ABCA13: variants seen among roughly 807,000 people sequenced by gnomAD.
ABCA13 encodes the protein ATP-binding cassette sub-family A member 13.
ABCA13 carries 476 observed loss-of-function variants against 478.7 expected under a neutral mutation model. That is an observed-to-expected ratio of 0.99 (90% CI 0.92 to 1.07). ABCA13 has a LOEUF of 1.07. ABCA13 is among the 50% of genes least tolerant of loss of function. The pLI is 0.00. For missense variants in ABCA13, 6,060 were observed against 5,910.6 expected, an observed-to-expected ratio of 1.03 and a Z score of -0.83; for synonymous variants, 2,252 against 2,158.9, an observed-to-expected ratio of 1.04 and a Z score of -1.20.
chr7:48,337,878 C>G (rs947788678), intron 28 of ABCA13, among the ~76,000 whole-genome samples: 1 of 152,104 alleles, frequency 6.6e-6, no homozygotes, highest in Non-Finnish European at 1.5e-5. Flanking sequence ...TCAATAATAA[C>G]GAGAGAAGAA....
intron 27 of ABCA13, among the ~76,000 whole-genome samples, chr7:48,331,128 A>G (rs183817185): frequency 1.3e-5 from 2 of 152,286 alleles, no homozygotes; most frequent in South Asian, 2.1e-4. Context: ...GAACAAATAA[A>G]CCCAGAGCTA....
intron 53 of ABCA13, among the ~76,000 whole-genome samples, chr7:48,520,778 A>C (rs1918607): frequency 0.45 from 68,337 of 152,060 alleles, 17,962 homozygotes; most frequent in African/African-American, 0.73. Flanking sequence ...GTTCAATTCC[A>C]ACCTATGAGT....
chr7:48,471,717 C>G (rs1226372500), intron 45 of ABCA13, 118 bp downstream of exon 45: 6 of 918,806 alleles, frequency 6.5e-6, no homozygotes, highest in Non-Finnish European at 9.9e-6. Context: ...TTTTTGGTTT[C>G]CTGGATTAGC....
At chr7:48,637,477 G>C (rs1045349179) in intron 59 of ABCA13, among the ~76,000 whole-genome samples, 3 of 150,062 alleles carry the variant, frequency 2.0e-5, no homozygotes, top group Non-Finnish European at 4.4e-5. Context: ...AAGGTGACTG[G>C]TGTGAGAATA....
intron 41 of ABCA13, among the ~76,000 whole-genome samples, chr7:48,417,971 A>G (rs1367494315): frequency 6.6e-6 from 1 of 152,186 alleles, no homozygotes; most frequent in African/African-American, 2.4e-5. Context: ...TTATCTTAGT[A>G]ACATGGATTT....
intron 55 of ABCA13, among the ~76,000 whole-genome samples, chr7:48,544,211 A>G (rs1035045695): frequency 9.2e-5 from 14 of 151,798 alleles, no homozygotes; most frequent in African/African-American, 2.2e-4. Flanking sequence ...TCCAGGTGCC[A>G]TAAAAGAAGA....
chr7:48,632,058 G>A lies in ABCA13; in HGVS notation c.14838-11230G>A, dbSNP rs868358047. On this transcript the variant is annotated intron_variant, in intron 59 of 61. Coordinates refer to ENST00000435803, the MANE Select transcript of ABCA13 (RefSeq NM_152701.5). ...CTGAATTCATTTATCAAGTCCAGGA[G>A]TCTTCTGGAGGAGTCTTTAGTGTTT... Among the ~76,000 whole-genome samples, 77 of 152,300 alleles carry A rather than the reference G, an allele frequency of 5.1e-4. No individual in the cohort carries two copies. The Middle Eastern group carries it at 0.01, about 20-fold the overall frequency.
intron 18 of ABCA13, among the ~76,000 whole-genome samples, chr7:48,280,147 T>G (rs1171799691): frequency 1.3e-5 from 2 of 152,214 alleles, no homozygotes; most frequent in Non-Finnish European, 2.9e-5. Flanking sequence ...TTCAAAATAT[T>G]TCAAAAGTAA....
In ABCA13 at chr7:48,198,248, C is replaced by T. The variant is rs1419710291; in HGVS notation, c.175C>T (p.Pro59Ser). The change falls in exon 3 of 62, where the codon CCC (proline) becomes TCC (serine). Residue 59 changes from proline to serine, a missense_variant. This residue lies in a region of ABCA13 where 4,423 missense variants were observed against 4,309.1 expected (regional missense o/e 1.03). Coordinates refer to ENST00000435803, the MANE Select transcript of ABCA13 (RefSeq NM_152701.5). ...PRYRDICYLQ[P>S]RDLPSCGVIP... ...GCATCTATTTCTAGGTTATTTGCAG[C>T]CCCGAGATCTACCCAGCTGTGGTGT... 1 of 1,611,652 alleles carries T rather than the reference C, an allele frequency of 6.2e-7. No individual in the cohort carries two copies. The highest frequency in any genetic ancestry group is 2.2e-5 in the East Asian group (1 of 44,840).
chr7:48,602,317 G>A (rs1790980947), intron 58 of ABCA13, among the ~76,000 whole-genome samples: 2 of 152,110 alleles, frequency 1.3e-5, no homozygotes, highest in South Asian at 4.2e-4. Context: ...GTCGTGAATG[G>A]TATTGCCTAG....
chr7:48,303,343 G>A (rs1800426526), intron 23 of ABCA13, among the ~76,000 whole-genome samples: 1 of 151,910 alleles, frequency 6.6e-6, no homozygotes, highest in Non-Finnish European at 1.5e-5. Context: ...AGTTTAATTA[G>A]GTCCCATTTT....
chr7:48,294,333 T>C (rs1799024809), intron 20 of ABCA13, among the ~76,000 whole-genome samples: 1 of 152,096 alleles, frequency 6.6e-6, no homozygotes, highest in Admixed American at 6.5e-5. Flanking sequence ...GTGTTCATTC[T>C]ACATAACTGC....
At chr7:48,300,930 A>G (rs776348500) in intron 23 of ABCA13, among the ~76,000 whole-genome samples, 6 of 152,128 alleles carry the variant, frequency 3.9e-5, no homozygotes, top group Non-Finnish European at 8.8e-5. Context: ...GTTCAAATCA[A>G]CAATGACTTC....
rs372694597 is a variant in ABCA13, at chr7:48,198,334, T to C, written c.261T>C (p.Tyr87=). 3 of 1,613,754 alleles carry C rather than the reference T, an allele frequency of 1.9e-6. No homozygotes were observed. Among genetic ancestry groups the C allele is most frequent in the South Asian group, 1.1e-5 (1 of 91,036 alleles). The change falls in exon 3 of 62, where the codon TAT becomes TAC. Residue 87 remains tyrosine (Y), a synonymous_variant. Transcript: ENST00000435803. Reference sequence around the variant, plus strand: ...GATCAAGGTGTAGGAACTTCAGCTATGAAGGGTCAATGGAGCATCATTTTC... The same window carrying C: ...GATCAAGGTGTAGGAACTTCAGCTACGAAGGGTCAATGGAGCATCATTTTC... ...NTGSRCRNFS[Y]EGSMEHHFRL...
At chr7:48,366,520 G>A (rs1310781578) in intron 31 of ABCA13, among the ~76,000 whole-genome samples, 1 of 151,972 alleles carries the variant, frequency 6.6e-6, no homozygotes, top group Non-Finnish European at 1.5e-5. Context: ...AAATTTATTT[G>A]GCTCATAATT....
chr7:48,245,983 TCTGAGACG>T lies in ABCA13; in HGVS notation c.1613_1620del (p.Ser538Ter). On this transcript the variant is annotated frameshift_variant, in exon 13 of 62. Coordinates refer to ENST00000435803, the MANE Select transcript of ABCA13 (RefSeq NM_152701.5). LOFTEE classifies it high-confidence loss of function. Reference sequence around the variant, plus strand: ...GGGACTGTTGTGCTATTGTAACTCCTCTGAGACGAGTGTTTTAAACAAGCTACTTGGTT... The same window carrying T: ...GGGACTGTTGTGCTATTGTAACTCCTAGTGTTTTAAACAAGCTACTTGGTT... 6.2e-7 allele frequency: 1 copy of T among 1,613,816 alleles called. No individual in the cohort carries two copies.
At chr7:48,228,791 T>G (rs1290626683) in intron 6 of ABCA13, among the ~76,000 whole-genome samples, 1 of 152,246 alleles carries the variant, frequency 6.6e-6, no homozygotes, top group African/African-American at 2.4e-5. Context: ...TTTGAACATA[T>G]TTGAAATGCC....
At chr7:48,440,425 T>G (rs1823423362) in intron 42 of ABCA13, among the ~76,000 whole-genome samples, 1 of 152,210 alleles carries the variant, frequency 6.6e-6, no homozygotes, top group Non-Finnish European at 1.5e-5. Context: ...ATGTAATTGC[T>G]TGTGTAATTT....
chr7:48,456,643 C>G (rs935018458), intron 43 of ABCA13, among the ~76,000 whole-genome samples: 3 of 152,160 alleles, frequency 2.0e-5, no homozygotes, highest in African/African-American at 7.2e-5. Flanking sequence ...CTCTTTTACA[C>G]TCCATAATAT....
Sources: gnomAD v4.1 joint callset for allele counts (sites outside exome capture counted in the v4.1 genomes callset) on GRCh38, gnomAD v4.1.1 for gene constraint, gnomAD v4.1.1 regional missense constraint, MANE v1.5 for transcripts, NCBI Gene and HGNC (gene_info 2026-07-23, HGNC 2026-07-21) for gene names.